GNAQ: variants seen among roughly 807,000 people sequenced by gnomAD.
GNAQ encodes the protein guanine nucleotide-binding protein G(q) subunit alpha.
GNAQ carries 8 observed loss-of-function variants against 43.9 expected under a neutral mutation model. The observed-to-expected ratio is 0.18, with a 90% confidence interval of 0.11 to 0.33. The LOEUF (loss-of-function observed/expected upper bound fraction) is 0.33, where lower values mean the gene tolerates loss of function less well. Among genes scored for constraint, GNAQ ranks in the 10% least tolerant of loss-of-function variants. The pLI is 1.00. For missense variants in GNAQ, 158 were observed against 450.8 expected (o/e 0.35, Z 5.88); for synonymous variants, 155 against 170.7 (o/e 0.91, Z 0.71).
In GNAQ at chr9:77,794,487, T is replaced by C. The variant is rs1826627882; in HGVS notation, c.711A>G (p.Gln237=). The change falls in exon 5 of 7, where the codon CAA becomes CAG. Residue 237 remains glutamine, a synonymous_variant. Transcript: ENST00000286548. ...CCTCATTGTCTGACTCCACGAGAAC[T>C]TGATCATATTCACTAAGCGCTACTA... is the stretch of plus-strand genomic sequence containing the variant. The part of the protein sequence containing the change: ...MFLVALSEYD[Q]VLVESDNENR... 1 of 1,602,120 alleles carries C rather than the reference T, an allele frequency of 6.2e-7. No individual in the cohort carries two copies. Among genetic ancestry groups the C allele is most frequent in the Non-Finnish European group, 8.5e-7 (1 of 1,171,138 alleles).
chr9:77,769,682 T>G (rs1213655403), intron 5 of GNAQ, among the ~76,000 whole-genome samples: 15 of 149,638 alleles, frequency 1.0e-4, no homozygotes, highest in East Asian at 5.9e-4. Flanking sequence ...TTTTTTTTTT[T>G]GGGATGGAGT....
At chr9:77,963,928 C>T (rs1356909161) in intron 1 of GNAQ, among the ~76,000 whole-genome samples, 2 of 152,082 alleles carry the variant, frequency 1.3e-5, no homozygotes, top group Non-Finnish European at 2.9e-5. Context: ...ACCCATTTTT[C>T]TACAGTTAAT....
intron 5 of GNAQ, among the ~76,000 whole-genome samples, chr9:77,742,608 G>C (rs768156693): frequency 6.6e-6 from 1 of 151,352 alleles, no homozygotes; most frequent in Non-Finnish European, 1.5e-5. Flanking sequence ...TGTTCCACTA[G>C]GTAAGAAAAT....
intron 5 of GNAQ, among the ~76,000 whole-genome samples, chr9:77,767,100 A>C (rs1826148770): frequency 6.6e-6 from 1 of 152,286 alleles, no homozygotes; most frequent in African/African-American, 2.4e-5. Context: ...TCATAAACCA[A>C]ATAAATGAAC....
intron 1 of GNAQ, among the ~76,000 whole-genome samples, chr9:77,942,656 T>C (rs993987342): frequency 3.3e-5 from 5 of 152,200 alleles, no homozygotes; most frequent in Admixed American, 1.3e-4. Flanking sequence ...ATATTCCTCA[T>C]AGTCCTTGAC....
At chr9:77,973,072 A>G (rs1823257963) in intron 1 of GNAQ, among the ~76,000 whole-genome samples, 1 of 152,036 alleles carries the variant, frequency 6.6e-6, no homozygotes, top group South Asian at 2.1e-4. Context: ...AAATTTTCCC[A>G]AAATCAATCT....
At chr9:77,986,260 A>T (rs1212186247) in intron 1 of GNAQ, among the ~76,000 whole-genome samples, 1 of 152,154 alleles carries the variant, frequency 6.6e-6, no homozygotes, top group African/African-American at 2.4e-5. Context: ...TATTAGCCTA[A>T]CAGAAACAGC....
intron 2 of GNAQ, among the ~76,000 whole-genome samples, chr9:77,870,150 AG>A (rs1378464245): frequency 6.6e-6 from 1 of 152,180 alleles, no homozygotes; most frequent in African/African-American, 2.4e-5. Context: ...TGAGACAAAA[AG>A]TGATCTTCTA....
Position 77,763,449 on chromosome 9 carries a change from A to AC in GNAQ, c.735+31013dup, listed in dbSNP as rs199849818. ...AAGACCAGCTGGGCAACATGGCAAG[A>AC]CCCCCATCTCCACAAAAATAATTAA... On this transcript the variant is annotated intron_variant, in intron 5 of 6. Coordinates refer to ENST00000286548, the MANE Select transcript of GNAQ (RefSeq NM_002072.5). Among the ~76,000 whole-genome samples, 1,393 of 152,150 alleles carry AC rather than the reference A, an allele frequency of 9.2e-3. 12 individuals are homozygous for AC. Among genetic ancestry groups the AC allele is most frequent in the Middle Eastern group, 0.031 (9 of 294 alleles).
At chr9:77,762,277 C>T (rs1252074124) in intron 5 of GNAQ, among the ~76,000 whole-genome samples, 1 of 147,152 alleles carries the variant, frequency 6.8e-6, no homozygotes, top group East Asian at 2.1e-4. Flanking sequence ...CCTGGCCAGC[C>T]GCCCCGTCCG....
chr9:77,843,927 T>C (rs1365815623), intron 2 of GNAQ, among the ~76,000 whole-genome samples: 1 of 152,142 alleles, frequency 6.6e-6, no homozygotes, highest in Non-Finnish European at 1.5e-5. Flanking sequence ...GGGTTCATTA[T>C]CATATCAGGT....
At chr9:77,782,468 T>C (rs1371752042) in intron 5 of GNAQ, among the ~76,000 whole-genome samples, 1 of 152,190 alleles carries the variant, frequency 6.6e-6, no homozygotes, top group Non-Finnish European at 1.5e-5. Flanking sequence ...CCTATTAGAA[T>C]GGCCAAAATC....
At chr9:78,013,306 A>C (rs1823795802) in intron 1 of GNAQ, among the ~76,000 whole-genome samples, 1 of 141,998 alleles carries the variant, frequency 7.0e-6, no homozygotes, top group Non-Finnish European at 1.5e-5. Context: ...TGTTTTTCTT[A>C]CAAGACTTTT....
At chr9:77,851,455 A>C (rs1284576627) in intron 2 of GNAQ, among the ~76,000 whole-genome samples, 1 of 152,248 alleles carries the variant, frequency 6.6e-6, no homozygotes, top group Admixed American at 6.5e-5. Flanking sequence ...CTCCTGAGAA[A>C]GTAGAGCTGG....
At chr9:78,000,545 AAAGT>A (rs1202903468) in intron 1 of GNAQ, among the ~76,000 whole-genome samples, 2 of 152,232 alleles carry the variant, frequency 1.3e-5, no homozygotes, top group African/African-American at 4.8e-5. Flanking sequence ...GAAGATGAGA[AAAGT>A]AAGTGGAAAA....
intron 1 of GNAQ, among the ~76,000 whole-genome samples, chr9:77,979,241 A>G (rs1218995898): frequency 6.6e-6 from 1 of 151,834 alleles, no homozygotes; most frequent in Non-Finnish European, 1.5e-5. Context: ...CTATAATCCC[A>G]GTTACTCGGG....
In GNAQ at chr9:77,856,651, A is replaced by C. The variant is rs191418348; in HGVS notation, c.322-40881T>G. 2.6e-3 allele frequency among the ~76,000 whole-genome samples: 403 copies of C among 152,346 alleles called. 2 individuals are homozygous for C. The highest frequency in any genetic ancestry group is 9.3e-3 in the African/African-American group (385 of 41,596). ...ATAGCAGAAGAGAAAAGACTGAGAA[A>C]GACTACCTAGCAAATTTAAGGAAAC... On this transcript the variant is annotated intron_variant, in intron 2 of 6. Transcript: ENST00000286548.
intron 1 of GNAQ, among the ~76,000 whole-genome samples, chr9:78,007,233 C>A (rs1823718116): frequency 1.3e-5 from 2 of 151,666 alleles, no homozygotes; most frequent in Admixed American, 1.3e-4. Flanking sequence ...TAATATTTGT[C>A]CCTTATCTTT....
At chr9:77,967,356 C>G (rs1823181493) in intron 1 of GNAQ, among the ~76,000 whole-genome samples, 1 of 152,104 alleles carries the variant, frequency 6.6e-6, no homozygotes, top group South Asian at 2.1e-4. Context: ...CCTGCTGTGC[C>G]TAGAATCAGC....
Sources: allele counts gnomAD v4.1 joint callset (sites outside exome capture counted in the v4.1 genomes callset), GRCh38; gene constraint gnomAD v4.1.1; transcripts MANE v1.5; gene names NCBI Gene and HGNC (gene_info 2026-07-23, HGNC 2026-07-21).